MGAT5: variants seen among roughly 807,000 people sequenced by gnomAD.
MGAT5 encodes alpha-1,6-mannosylglycoprotein 6-beta-N-acetylglucosaminyltransferase A.
A neutral mutation model predicts 94.3 loss-of-function variants in MGAT5; 30 were observed. That is an observed-to-expected ratio of 0.32 (90% CI 0.24 to 0.43). The LOEUF (loss-of-function observed/expected upper bound fraction) is 0.43. MGAT5 is among the 20% of genes least tolerant of loss of function. The pLI, the probability that MGAT5 is intolerant of heterozygous loss-of-function variation, is 1.00. For missense variants in MGAT5, 691 were observed against 905.5 expected (o/e 0.76, Z 3.04); for synonymous variants, 310 against 322.9 (o/e 0.96, Z 0.43).
chr2:134,198,344 C>G (rs970640534), intron 1 of MGAT5, among the ~76,000 whole-genome samples: 20 of 152,158 alleles, frequency 1.3e-4, no homozygotes, highest in African/African-American at 4.6e-4. Context: ...TGAAGATCAC[C>G]AGCATTCTGA....
rs148983348 is a variant in MGAT5, at chr2:134,155,805, G to A, written c.-143+35514G>A. ...CCCAGCTCCAGGGCCTTTGCACATG[G>A]TGTTCTTTTTCTGAGAAAGCTTCCT... is the stretch of plus-strand genomic sequence containing the variant. On this transcript the variant is annotated intron_variant, in intron 1 of 16. Coordinates refer to the MGAT5 transcript ENST00000409645. Among the ~76,000 whole-genome samples the A allele has an allele frequency of 8.5e-5, 13 of 152,048 alleles. 1 individual carries two copies. The highest frequency in any genetic ancestry group is 3.1e-4 in the African/African-American group (13 of 41,436).
chr2:134,225,184 C>G (rs1350367003), intron 1 of MGAT5, among the ~76,000 whole-genome samples: 1 of 151,648 alleles, frequency 6.6e-6, no homozygotes, highest in African/African-American at 2.4e-5. Context: ...TCTGCTAACT[C>G]AAGGAATGTG....
intron 2 of MGAT5, among the ~76,000 whole-genome samples, chr2:134,311,383 A>G (rs192711060): frequency 1.7e-3 from 262 of 152,306 alleles, no homozygotes; most frequent in Middle Eastern, 6.8e-3. Flanking sequence ...GTTGTTAAAA[A>G]CAAGTGTCAT....
chr2:134,200,165 C>A (rs543695890), intron 1 of MGAT5, among the ~76,000 whole-genome samples: 3 of 149,400 alleles, frequency 2.0e-5, no homozygotes, highest in Admixed American at 6.7e-5. Flanking sequence ...CCATTCCCCC[C>A]CTGCCCCGCC....
At chr2:134,343,531 C>T (rs571849919) in intron 7 of MGAT5, among the ~76,000 whole-genome samples, 13 of 152,230 alleles carry the variant, frequency 8.5e-5, no homozygotes, top group South Asian at 8.3e-4. Flanking sequence ...TATATCTGTA[C>T]GTTAGAACCA....
intron 1 of MGAT5, among the ~76,000 whole-genome samples, chr2:134,189,320 G>T (rs766748082): frequency 2.0e-5 from 3 of 152,128 alleles, no homozygotes; most frequent in Non-Finnish European, 4.4e-5. Flanking sequence ...GATCCAAGGG[G>T]TTTATCAAAA....
At chr2:134,307,872 A>T (rs77521116) in intron 2 of MGAT5, among the ~76,000 whole-genome samples, 1 of 152,158 alleles carries the variant, frequency 6.6e-6, no homozygotes, top group Admixed American at 6.5e-5. Flanking sequence ...TTTTAGAATC[A>T]CTTGAGGTTG....
rs1247538106 is a variant in MGAT5, at chr2:134,169,835, G to T, written c.-143+49544G>T. ...CAGGTGTTTTGCAAATGAACAGAGA[G>T]CCAAGGGTGGCGCAGTAGTTTTCAG... On this transcript the variant is annotated intron_variant, in intron 1 of 16. Coordinates refer to the MGAT5 transcript ENST00000409645. 3.3e-5 allele frequency among the ~76,000 whole-genome samples: 5 copies of T among 152,320 alleles called. No individual in the cohort carries two copies. The South Asian group carries it at 1.0e-3, about 32-fold the overall frequency.
At chr2:134,257,233 TTTTG>T (rs985969306) in intron 1 of MGAT5, among the ~76,000 whole-genome samples, 4 of 152,182 alleles carry the variant, frequency 2.6e-5, no homozygotes, top group Admixed American at 1.3e-4. Flanking sequence ...GTTTTAGTTT[TTTTG>T]TTTGTTTGTT....
chr2:134,141,324 G>T lies in MGAT5; in HGVS notation c.-143+21033G>T, dbSNP rs192133685. On this transcript the variant is annotated intron_variant, in intron 1 of 16. Coordinates refer to the MGAT5 transcript ENST00000409645. ...AGCAGAAAAATGGACTGATATGGGG[G>T]GATGTGGTGGTCACATGTTTTTGTC... 2.4e-4 allele frequency among the ~76,000 whole-genome samples: 36 copies of T among 152,320 alleles called. No individual in the cohort carries two copies. The East Asian group carries it at 5.0e-3, about 21-fold the overall frequency.
At chr2:134,219,765 T>A (rs1680665820) in intron 1 of MGAT5, among the ~76,000 whole-genome samples, 1 of 152,092 alleles carries the variant, frequency 6.6e-6, no homozygotes, top group South Asian at 2.1e-4. Flanking sequence ...CACAGTAAAG[T>A]GGGAGTGTTT....
At chr2:134,410,197 A>G (rs1683564663) in intron 11 of MGAT5, among the ~76,000 whole-genome samples, 1 of 152,248 alleles carries the variant, frequency 6.6e-6, no homozygotes. Context: ...ATGTGTGGCA[A>G]GACCATAAGT....
chr2:134,338,075 G>C (rs1688430429), intron 5 of MGAT5, among the ~76,000 whole-genome samples, 184 bp from the exon 6 acceptor site: 1 of 152,154 alleles, frequency 6.6e-6, no homozygotes, highest in African/African-American at 2.4e-5. Context: ...TCAGCAGTCA[G>C]CAGCCTTGGC....
At chr2:134,327,322 T>C (rs2105936626) in intron 4 of MGAT5, among the ~76,000 whole-genome samples, 1 of 152,176 alleles carries the variant, frequency 6.6e-6, no homozygotes, top group South Asian at 2.1e-4. Context: ...GAACCCTCCA[T>C]ATACTATACT....
intron 1 of MGAT5, among the ~76,000 whole-genome samples, chr2:134,154,458 G>A (rs1475753328): frequency 4.6e-5 from 7 of 152,200 alleles, no homozygotes; most frequent in Non-Finnish European, 5.9e-5. Context: ...GGCAAGCCCC[G>A]TTTTGGGGAA....
At chr2:134,130,639 T>C (rs1444410123) in intron 1 of MGAT5, among the ~76,000 whole-genome samples, 1 of 151,786 alleles carries the variant, frequency 6.6e-6, no homozygotes, top group African/African-American at 2.4e-5. Flanking sequence ...GCTAGAGGGT[T>C]GTAAATGCAC....
At chr2:134,311,299 G>T (rs956276167) in intron 2 of MGAT5, among the ~76,000 whole-genome samples, 2 of 151,894 alleles carry the variant, frequency 1.3e-5, no homozygotes, top group Non-Finnish European at 2.9e-5. Context: ...CAATGGCGAT[G>T]GATTTAGATG....
intron 10 of MGAT5, 151 bp downstream of exon 10, chr2:134,362,559 C>T (rs1033787260): frequency 1.5e-5 from 16 of 1,064,906 alleles, no homozygotes; most frequent in East Asian, 7.2e-5. Context: ...TTCAGTTGCT[C>T]AGCATTTGGG....
intron 2 of MGAT5, among the ~76,000 whole-genome samples, chr2:134,316,019 T>A (rs771296349): frequency 7.2e-5 from 11 of 152,170 alleles, no homozygotes; most frequent in Non-Finnish European, 1.6e-4. Context: ...GAAATAATAC[T>A]GCAGTTTGGA....
Sources: gnomAD v4.1 joint callset for allele counts (sites outside exome capture counted in the v4.1 genomes callset) on GRCh38, gnomAD v4.1.1 for gene constraint, MANE v1.5 for transcripts, NCBI Gene and HGNC (gene_info 2026-07-23, HGNC 2026-07-21) for gene names.